NOS1: variants seen among roughly 807,000 people sequenced by gnomAD.
The protein encoded by NOS1 is nitric oxide synthase 1.
In NOS1, 51 loss-of-function variants were observed where a neutral mutation model predicts 164.5. That is an observed-to-expected ratio of 0.31 (90% CI 0.25 to 0.39). The LOEUF is 0.39. Among genes scored for constraint, NOS1 ranks in the 10% least tolerant of loss-of-function variants. NOS1 has a pLI of 1.00. For synonymous variants in NOS1, 719 were observed against 745.8 expected (o/e 0.96, Z 0.59); for missense variants, 1,362 against 1,885.6 (o/e 0.72, Z 5.14).
intron 3 of NOS1, among the ~76,000 whole-genome samples, chr12:117,308,798 T>C (rs1360559329): frequency 6.6e-6 from 1 of 152,096 alleles, no homozygotes; most frequent in Non-Finnish European, 1.5e-5. Context: ...AGTTTCACCA[T>C]GTTGGTCAGG....
chr12:117,361,020 G>A (rs573321462), intron 1 of NOS1, among the ~76,000 whole-genome samples: 1 of 152,286 alleles, frequency 6.6e-6, no homozygotes, highest in South Asian at 2.1e-4. Flanking sequence ...AACCAAGTTG[G>A]GACGCGCAGC....
chr12:117,209,758 A>G lies in NOS1; in HGVS notation c.*5551T>C, dbSNP rs1956499612. 1.0e-6 allele frequency: 1 copy of G among 985,390 alleles called. No individual in the cohort carries two copies. Among genetic ancestry groups the G allele is most frequent in the Admixed American group, 6.1e-5 (1 of 16,268 alleles). 61.0% of individuals were successfully genotyped at this position (985,390 alleles called of 1,614,324 possible). A position where few individuals can be genotyped will look rare whatever the true frequency, so the allele number is the denominator to read the frequency against. On this transcript the variant is annotated 3_prime_UTR_variant, in exon 29 of 29. Transcript: ENST00000317775. ...GTACCTGGGTCCTTACATTTGGGGAAGGGCAGCTTTTCTTTTGGGGCCCCT... is the reference window on the plus strand; with the variant it reads ...GTACCTGGGTCCTTACATTTGGGGAGGGGCAGCTTTTCTTTTGGGGCCCCT...
At position 117,212,536 on chromosome 12, in the gene NOS1, T is replaced by C; in HGVS notation, c.*2773A>G. On this transcript the variant is annotated 3_prime_UTR_variant, in exon 29 of 29. Transcript: ENST00000317775. The stretch of plus-strand genomic sequence containing the variant: ...GATGCATAGTGATGGCAGGTGAGCA[T>C]GATGTTCCGGTGTTCCTATTTCAGG... 4.1e-6 allele frequency: 4 copies of C among 985,434 alleles called. No individual in the cohort carries two copies. The highest frequency in any genetic ancestry group is 4.8e-6 in the Non-Finnish European group (4 of 829,944). The allele number at this position is 985,434 out of a possible 1,614,324, so 61.0% of individuals were successfully genotyped here.
chr12:117,312,541 G>A (rs1004210192), intron 2 of NOS1, among the ~76,000 whole-genome samples: 1 of 151,354 alleles, frequency 6.6e-6, no homozygotes, highest in Non-Finnish European at 1.5e-5. Context: ...TCAGCCTCCC[G>A]AGTAGCTGGG....
chr12:117,275,732 T>TA (rs1479940996), intron 9 of NOS1, among the ~76,000 whole-genome samples: 3 of 152,216 alleles, frequency 2.0e-5, no homozygotes, highest in Non-Finnish European at 4.4e-5. Flanking sequence ...TTATATGTAT[T>TA]AAAACATCAT....
chr12:117,286,493 GGC>G (rs1874127302), intron 5 of NOS1, among the ~76,000 whole-genome samples: 1 of 152,146 alleles, frequency 6.6e-6, no homozygotes, highest in Admixed American at 6.5e-5. Context: ...TGGGGACTGT[GGC>G]AAACAAGTGA....
intron 12 of NOS1, among the ~76,000 whole-genome samples, chr12:117,264,376 G>A (rs373132663): frequency 9.9e-5 from 15 of 152,150 alleles, no homozygotes; most frequent in African/African-American, 3.4e-4. Context: ...TAGCTCAAGG[G>A]ATCCTCCTAA....
At chr12:117,312,107 C>G (rs767120056) in intron 2 of NOS1, among the ~76,000 whole-genome samples, 17 of 151,766 alleles carry the variant, frequency 1.1e-4, no homozygotes, top group Admixed American at 2.0e-4. Context: ...CAGCTCAGGA[C>G]AAACAGAATG....
chr12:117,215,824 A>C (rs1956599580), intron 28 of NOS1, among the ~76,000 whole-genome samples: 1 of 150,970 alleles, frequency 6.6e-6, no homozygotes, highest in African/African-American at 2.4e-5. Context: ...GAATGAATGA[A>C]TGCTCACAAG....
rs1956485190 is a variant in NOS1 at position 117,208,877 on chromosome 12, C to G, written c.*6432G>C. ...AGATGGGATTACAGATGCCCGCCAC[C>G]ACGCCGGGCTGATTTTTGTATTTTT... is the stretch of plus-strand genomic sequence containing the variant. On this transcript the variant is annotated 3_prime_UTR_variant, in exon 29 of 29. Coordinates refer to ENST00000317775, the MANE Select transcript of NOS1 (RefSeq NM_000620.5). 1 of 600,168 alleles carries G rather than the reference C, an allele frequency of 1.7e-6. No individual in the cohort carries two copies. The highest frequency in any genetic ancestry group is 2.0e-5 in the African/African-American group (1 of 50,020). 37.2% of individuals were successfully genotyped at this position (600,168 alleles called of 1,614,324 possible).
intron 1 of NOS1, among the ~76,000 whole-genome samples, chr12:117,360,111 G>C (rs36021382): frequency 6.6e-6 from 1 of 151,182 alleles, no homozygotes; most frequent in Non-Finnish European, 1.5e-5. Flanking sequence ...GTAAAGGGTC[G>C]ATCTAGGACC....
chr12:117,360,370 G>C (rs1201385399), intron 1 of NOS1, among the ~76,000 whole-genome samples: 2 of 152,182 alleles, frequency 1.3e-5, no homozygotes, highest in African/African-American at 2.4e-5. Context: ...GATCCCCCGG[G>C]GACCCTGCTC....
intron 1 of NOS1, among the ~76,000 whole-genome samples, chr12:117,338,211 T>C (rs1394026724): frequency 1.3e-4 from 20 of 151,754 alleles, no homozygotes; most frequent in Non-Finnish European, 1.0e-4. Context: ...AGTGAGACTC[T>C]GTCTCAAACA....
chr12:117,252,590 A>C (rs1307318856), intron 17 of NOS1, among the ~76,000 whole-genome samples: 1 of 152,236 alleles, frequency 6.6e-6, no homozygotes, highest in African/African-American at 2.4e-5. Context: ...TTGTAGGTAC[A>C]TCAGTTCTAA....
rs777054159 is a variant in NOS1 at position 117,292,969 on chromosome 12, A to C, written c.853-2543T>G. On this transcript the variant is annotated intron_variant, in intron 3 of 28. Coordinates refer to ENST00000317775, the MANE Select transcript of NOS1 (RefSeq NM_000620.5). ...GGGGAGGTGGGAGCACATAGAAGAC[A>C]CATCTAACTTCTAGGTCAAGACCAG... Among the ~76,000 whole-genome samples the C allele has an allele frequency of 3.9e-4, 60 of 152,114 alleles. 3 individuals carry two copies. The highest frequency in any genetic ancestry group is 1.5e-4 in the Non-Finnish European group (10 of 68,030).
chr12:117,249,850 T>C (rs1870948792), intron 17 of NOS1, among the ~76,000 whole-genome samples: 1 of 152,142 alleles, frequency 6.6e-6, no homozygotes, highest in Non-Finnish European at 1.5e-5. Flanking sequence ...CTGCTACATT[T>C]CCAGAACTTG....
chr12:117,271,061 A>C (rs1872753351), intron 10 of NOS1, among the ~76,000 whole-genome samples: 1 of 151,938 alleles, frequency 6.6e-6, no homozygotes, highest in African/African-American at 2.4e-5. Flanking sequence ...CCCCTCCAAA[A>C]AGAAAGAAAG....
chr12:117,353,884 G>A (rs1254089725), intron 1 of NOS1, among the ~76,000 whole-genome samples: 2 of 152,130 alleles, frequency 1.3e-5, no homozygotes, highest in Non-Finnish European at 2.9e-5. Flanking sequence ...AGGATCATTT[G>A]AGCCCAGGAG....
At chr12:117,302,199 T>C (rs1193578690) in intron 3 of NOS1, 1 of 412,702 alleles carries the variant, frequency 2.4e-6, no homozygotes. Flanking sequence ...GTTGTTATGG[T>C]TGACATCATT....
Sources: allele counts gnomAD v4.1 joint callset (sites outside exome capture counted in the v4.1 genomes callset), GRCh38; gene constraint gnomAD v4.1.1; transcripts MANE v1.5; gene names NCBI Gene and HGNC (gene_info 2026-07-23, HGNC 2026-07-21).